Variants in MBD5 observed in about 807,000 individuals in gnomAD.
The protein encoded by MBD5 is methyl-CpG binding domain protein 5.
A neutral mutation model predicts 117.3 loss-of-function variants in MBD5; 13 were observed. That is an observed-to-expected ratio of 0.11 (90% CI 0.07 to 0.18). The LOEUF is 0.18. Ranked by LOEUF, MBD5 falls within the 10% of genes least tolerant of loss-of-function variation. MBD5 has a pLI of 1.00. For synonymous variants in MBD5, 727 were observed against 766.4 expected (o/e 0.95, Z 0.85); for missense variants, 1,879 against 2,093.8 (o/e 0.90, Z 2.00).
intron 3 of MBD5, among the ~76,000 whole-genome samples, chr2:148,286,052 A>G (rs982758030): frequency 5.9e-5 from 9 of 152,124 alleles, no homozygotes; most frequent in Non-Finnish European, 1.2e-4. Context: ...TCCATATAGT[A>G]TTTAGCAATA....
chr2:148,199,009 T>TA (rs1260179033), intron 2 of MBD5, among the ~76,000 whole-genome samples: 1 of 151,942 alleles, frequency 6.6e-6, no homozygotes, highest in Non-Finnish European at 1.5e-5. Context: ...TATATGTATT[T>TA]ATGCATGTAT....
At chr2:148,390,514 T>C in intron 4 of MBD5, among the ~76,000 whole-genome samples, 1 of 147,836 alleles carries the variant, frequency 6.8e-6, no homozygotes, top group Non-Finnish European at 1.5e-5. Context: ...TGTGTATGTA[T>C]ATATGTGTGT....
chr2:148,104,767 T>A (rs1218932055), intron 1 of MBD5, among the ~76,000 whole-genome samples: 1 of 152,160 alleles, frequency 6.6e-6, no homozygotes, highest in Non-Finnish European at 1.5e-5. Context: ...GATTTAAACC[T>A]AAAATTGGGT....
At chr2:148,447,143 GA>G (rs909295462) in intron 4 of MBD5, among the ~76,000 whole-genome samples, 6 of 144,476 alleles carry the variant, frequency 4.2e-5, no homozygotes, top group African/African-American at 1.3e-4. Context: ...GAGAGAGAGA[GA>G]AAGAAAGAAG....
intron 2 of MBD5, among the ~76,000 whole-genome samples, chr2:148,232,376 T>C (rs1700008743): frequency 6.6e-6 from 1 of 152,202 alleles, no homozygotes; most frequent in African/African-American, 2.4e-5. Flanking sequence ...GTTACGTGGA[T>C]AGTAGAGTAG....
intron 1 of MBD5, among the ~76,000 whole-genome samples, chr2:148,156,514 G>A (rs1347211118): frequency 6.6e-6 from 1 of 152,218 alleles, no homozygotes; most frequent in Non-Finnish European, 1.5e-5. Context: ...TTCAAATAGA[G>A]TTAATCATGT....
chr2:148,509,052 C>G (rs988564292), intron 12 of MBD5, among the ~76,000 whole-genome samples: 2 of 152,184 alleles, frequency 1.3e-5, no homozygotes, highest in African/African-American at 4.8e-5. Context: ...AACTCTCCCA[C>G]GACTGCAAAT....
chr2:148,076,456 G>A lies in MBD5; in HGVS notation c.-925+54772G>A, dbSNP rs578016897. Among the ~76,000 whole-genome samples the A allele has an allele frequency of 5.0e-4, 76 of 152,200 alleles. 1 individual carries two copies. The highest frequency in any genetic ancestry group is 1.7e-3 in the African/African-American group (71 of 41,522). On this transcript the variant is annotated intron_variant, in intron 1 of 13. Coordinates refer to ENST00000642680, the MANE Select transcript of MBD5 (RefSeq NM_001378120.1). ...ATCTCTTTTTGTAATAGTCACTTAG[G>A]GACTTTGTGTAGCAGCCACCATTTC...
rs201772689 is a variant in MBD5, at chr2:148,400,874, TG to T, written c.-556-57328del. Among the ~76,000 whole-genome samples, 1,114 of 152,336 alleles carry T rather than the reference TG, an allele frequency of 7.3e-3. 5 individuals carry two copies. The highest frequency in any genetic ancestry group is 0.011 in the Non-Finnish European group (766 of 68,020). On this transcript the variant is annotated intron_variant, in intron 4 of 13. Transcript: ENST00000642680. ...ATTCTACTTCTGCATTCATTCTTGC[TG>T]ATATTGTCTTCATCCTAGTTAATGG...
chr2:148,149,858 A>C (rs1296745402), intron 1 of MBD5, among the ~76,000 whole-genome samples: 2 of 149,398 alleles, frequency 1.3e-5, no homozygotes, highest in African/African-American at 4.9e-5. Context: ...TCAGATGAGT[A>C]GGTTGCGAAA....
Position 148,490,107 on chromosome 2 carries a change from T to G in MBD5, c.4475T>G (p.Ile1492Ser), listed in dbSNP as rs762922278. The G allele has an allele frequency of 6.2e-7, 1 of 1,613,652 alleles. No homozygotes were observed. The highest frequency in any genetic ancestry group is 8.5e-7 in the Non-Finnish European group (1 of 1,179,936). The change falls in exon 11 of 14, where the codon ATT becomes AGT. Residue 1492 changes from isoleucine (I) to serine (S), a missense_variant. By Grantham distance (142) the Ile-to-Ser change is moderately radical (BLOSUM62 -2). This residue lies in a region of MBD5 where 1,666 missense variants were observed against 1,792.2 expected (regional missense o/e 0.93). Transcript: ENST00000642680. ...CCAAGAAACTGTCCAGGGGATAAAA[T>G]TCTAGAGGAAAATTTCAGGTATAAT... ...LPPRNCPGDK[I>S]LEENFRYNNY... is the part of the protein sequence containing the mutation.
intron 3 of MBD5, among the ~76,000 whole-genome samples, chr2:148,294,246 A>T: frequency 8.3e-6 from 1 of 121,090 alleles, no homozygotes; most frequent in African/African-American, 3.7e-5. Flanking sequence ...TTTTTTTGAG[A>T]CAGAGTCTTG....
intron 3 of MBD5, among the ~76,000 whole-genome samples, chr2:148,321,487 G>A (rs1702280943): frequency 6.6e-6 from 1 of 152,060 alleles, no homozygotes; most frequent in Non-Finnish European, 1.5e-5. Context: ...CCATTTTTGT[G>A]GTATCTGTTT....
At chr2:148,197,539 A>G (rs1188399274) in intron 2 of MBD5, among the ~76,000 whole-genome samples, 4 of 152,214 alleles carry the variant, frequency 2.6e-5, no homozygotes, top group Non-Finnish European at 4.4e-5. Flanking sequence ...CTCCAAGATC[A>G]TATAGCATAC....
chr2:148,357,023 C>G (rs1039403564), intron 4 of MBD5, among the ~76,000 whole-genome samples: 2 of 151,956 alleles, frequency 1.3e-5, no homozygotes, highest in African/African-American at 4.8e-5. Context: ...CACAAGTTAT[C>G]CAGGTTCTAA....
intron 1 of MBD5, among the ~76,000 whole-genome samples, chr2:148,149,658 T>A (rs1324957345): frequency 6.6e-6 from 1 of 152,162 alleles, no homozygotes; most frequent in Non-Finnish European, 1.5e-5. Context: ...GGTATCTCAT[T>A]GTGGTTTTGA....
chr2:148,486,516 ATC>A (rs1013967295), intron 10 of MBD5, among the ~76,000 whole-genome samples: 10 of 152,224 alleles, frequency 6.6e-5, no homozygotes, highest in Admixed American at 2.0e-4. Context: ...AAAATTTAAA[ATC>A]TCTGTATGAT....
chr2:148,074,507 G>GTTTTTTTTTTTTTTTTTTTTTTTTTTTGT (rs11443189), intron 1 of MBD5, among the ~76,000 whole-genome samples: 3 of 113,772 alleles, frequency 2.6e-5, no homozygotes, highest in Non-Finnish European at 3.5e-5. Context: ...TTTTTTTTTT[G>GTTTTTTTTTTTTTTTTTTTTTTTTTTTGT]TTTTTTTTTT....
intron 3 of MBD5, among the ~76,000 whole-genome samples, chr2:148,340,377 C>G (rs1390619000): frequency 6.6e-6 from 1 of 152,042 alleles, no homozygotes. Flanking sequence ...TTTGCAAAAA[C>G]ATTACATTGG....
Sources: gnomAD v4.1 joint callset for allele counts (sites outside exome capture counted in the v4.1 genomes callset) on GRCh38, gnomAD v4.1.1 for gene constraint, gnomAD v4.1.1 regional missense constraint, MANE v1.5 for transcripts, NCBI Gene and HGNC (gene_info 2026-07-23, HGNC 2026-07-21) for gene names.